The following NEK5 variants were observed in gnomAD, a reference collection of about 807,000 sequenced individuals.
The protein encoded by NEK5 is serine/threonine-protein kinase Nek5.
Under a neutral mutation model 109.2 loss-of-function variants are expected in NEK5, and 88 were observed. The observed-to-expected ratio is 0.81, with a 90% CI of 0.68 to 0.96. The LOEUF is 0.96. Among genes scored for constraint, NEK5 ranks in the 40% least tolerant of loss-of-function variants. NEK5 has a pLI of 0.00. For synonymous variants in NEK5, 283 were observed against 299.9 expected, an observed-to-expected ratio of 0.94 and a Z score of 0.58; for missense variants, 834 against 920.7, an observed-to-expected ratio of 0.91 and a Z score of 1.22.
intron 14 of NEK5, among the ~76,000 whole-genome samples, chr13:52,088,428 TA>T (rs1955202379): frequency 6.6e-6 from 1 of 151,718 alleles, no homozygotes. Flanking sequence ...CTAATTTTTG[TA>T]TTTTTAGTAG....
At chr13:52,097,904 G>C (rs1412701018) in intron 12 of NEK5, among the ~76,000 whole-genome samples, 1 of 152,136 alleles carries the variant, frequency 6.6e-6, no homozygotes, top group Non-Finnish European at 1.5e-5. Flanking sequence ...GGTGGAAGGT[G>C]ATTAGATTAT....
In NEK5 at chr13:52,034,881, C is replaced by CTTTTTTTTTTTTT. The variant is rs753180867; in HGVS notation, c.*2054_*2066dup. 2.9e-5 allele frequency: 3 copies of CTTTTTTTTTTTTT among 102,560 alleles called. No homozygotes were observed. The highest frequency in any genetic ancestry group is 2.9e-4 in the East Asian group (1 of 3,450). The allele number at this position is 102,560 out of a possible 1,614,324, so 6.4% of individuals were successfully genotyped here. On this transcript the variant is annotated 3_prime_UTR_variant, in exon 24 of 24. Transcript: ENST00000684899. ...ACCATCCTTAAACATTCTTTTTTTT[C>CTTTTTTTTTTTTT]TTTTTTTTTTTTTTTTTTGCCCTTA...
chr13:52,089,354 C>T (rs1955227445), intron 13 of NEK5, 41 bp from the exon 14 acceptor site: 6 of 1,315,628 alleles, frequency 4.6e-6, no homozygotes, highest in Non-Finnish European at 5.4e-6. Flanking sequence ...GAAACTTGAA[C>T]AAATCTTAGG....
intron 11 of NEK5, among the ~76,000 whole-genome samples, chr13:52,100,307 G>T (rs1285341996): frequency 6.6e-6 from 1 of 151,942 alleles, no homozygotes; most frequent in East Asian, 1.9e-4. Flanking sequence ...TGTCACCCGG[G>T]CTACGGTGCA....
At chr13:52,075,487 A>G (rs535626562) in intron 19 of NEK5, among the ~76,000 whole-genome samples, 1 of 152,266 alleles carries the variant, frequency 6.6e-6, no homozygotes, top group African/African-American at 2.4e-5. Flanking sequence ...GGGAGCTACT[A>G]CAGTGGGGGT....
chr13:52,103,922 T>C (rs1955594557), intron 9 of NEK5, among the ~76,000 whole-genome samples: 1 of 152,202 alleles, frequency 6.6e-6, no homozygotes, highest in South Asian at 2.1e-4. Context: ...CCCATGTACA[T>C]TTTTCTTTTG....
In NEK5 at chr13:52,034,737, G is replaced by A. The variant is rs1954343629; in HGVS notation, c.*2211C>T. 2 of 146,772 alleles carry A rather than the reference G, an allele frequency of 1.4e-5. No homozygotes were observed. Among genetic ancestry groups the A allele is most frequent in the African/African-American group, 5.0e-5 (2 of 39,850 alleles). 9.1% of individuals were successfully genotyped at this position (146,772 alleles called of 1,614,324 possible). ...TTTTCTGAGGGGTGGATAGAGATGG[G>A]TGTTTCCCTATGTTGCCCAGGCTGG... On this transcript the variant is annotated 3_prime_UTR_variant, in exon 24 of 24. Transcript: ENST00000684899.
At chr13:52,064,376 G>T (rs1954651666) in intron 21 of NEK5, among the ~76,000 whole-genome samples, 1 of 142,424 alleles carries the variant, frequency 7.0e-6, no homozygotes, top group African/African-American at 2.6e-5. Flanking sequence ...CCCCCGCCCG[G>T]CCAGCCGCCC....
At chr13:52,096,212 T>A (rs773001725) in intron 12 of NEK5, among the ~76,000 whole-genome samples, 2 of 152,210 alleles carry the variant, frequency 1.3e-5, no homozygotes, top group Non-Finnish European at 2.9e-5. Context: ...AGTATGAGAA[T>A]GGACTAACAC....
intron 17 of NEK5, among the ~76,000 whole-genome samples, chr13:52,078,302 G>A (rs1343640366): frequency 2.0e-5 from 3 of 152,126 alleles, no homozygotes; most frequent in Non-Finnish European, 4.4e-5. Flanking sequence ...AGAAAAAAGA[G>A]CACATACAGC....
chr13:52,116,068 G>A (rs1955851936), intron 4 of NEK5, among the ~76,000 whole-genome samples: 2 of 150,704 alleles, frequency 1.3e-5, no homozygotes, highest in Admixed American at 1.3e-4. Flanking sequence ...TGTAGTCCCA[G>A]TACTCAGGAG....
At chr13:52,112,416 G>C in intron 4 of NEK5, 51 bp from the exon 5 acceptor site, 1 of 1,197,418 alleles carries the variant, frequency 8.4e-7, no homozygotes, top group African/African-American at 1.5e-5. Flanking sequence ...ATATTTATCA[G>C]CCATGTTCTG....
chr13:52,092,899 G>C (rs1955320297), intron 13 of NEK5, among the ~76,000 whole-genome samples, 155 bp downstream of exon 13: 1 of 152,108 alleles, frequency 6.6e-6, no homozygotes, highest in African/African-American at 2.4e-5. Context: ...GCAAACAAAA[G>C]AAAAAGGTCA....
intron 23 of NEK5, among the ~76,000 whole-genome samples, chr13:52,049,627 A>G (rs2140907660): frequency 6.6e-6 from 1 of 151,882 alleles, no homozygotes; most frequent in South Asian, 2.1e-4. Context: ...GTCTTGGGCC[A>G]CACATAAAAT....
At chr13:52,081,592 TA>T (rs1340879290) in intron 17 of NEK5, among the ~76,000 whole-genome samples, 1 of 152,162 alleles carries the variant, frequency 6.6e-6, no homozygotes, top group Non-Finnish European at 1.5e-5. Flanking sequence ...AACCTTCTTA[TA>T]AAAAATCTAA....
chr13:52,047,716 C>T (rs1954471424), intron 23 of NEK5, among the ~76,000 whole-genome samples: 1 of 152,060 alleles, frequency 6.6e-6, no homozygotes, highest in South Asian at 2.1e-4. Flanking sequence ...TGGCATGCTA[C>T]ACCTGTAGTC....
At chr13:52,107,305 G>T (rs1000456787) in intron 8 of NEK5, among the ~76,000 whole-genome samples, 2 of 152,074 alleles carry the variant, frequency 1.3e-5, no homozygotes, top group Non-Finnish European at 2.9e-5. Context: ...AAAAAAGCCA[G>T]TGCCCAGCCA....
chr13:52,054,041 A>T (rs1044401035), intron 22 of NEK5, among the ~76,000 whole-genome samples: 2 of 152,256 alleles, frequency 1.3e-5, no homozygotes, highest in Non-Finnish European at 2.9e-5. Context: ...TCAGAAAAGT[A>T]GAAATGCACT....
At chr13:52,051,126 T>C (rs1481010782) in intron 22 of NEK5, among the ~76,000 whole-genome samples, 4 of 151,658 alleles carry the variant, frequency 2.6e-5, no homozygotes, top group African/African-American at 9.7e-5. Flanking sequence ...ATTTAGGCTA[T>C]AAACGTTTTT....
Sources: gnomAD v4.1 joint callset for allele counts (sites outside exome capture counted in the v4.1 genomes callset) on GRCh38, gnomAD v4.1.1 for gene constraint, MANE v1.5 for transcripts, NCBI Gene and HGNC (gene_info 2026-07-23, HGNC 2026-07-21) for gene names.